AKR1D1: variants seen among roughly 807,000 people sequenced by gnomAD.
AKR1D1 encodes aldo-keto reductase family 1 member D1.
In AKR1D1, 32 loss-of-function variants were observed where a neutral mutation model predicts 42.6. The observed-to-expected ratio is 0.75, with a 90% CI of 0.57 to 1.01. AKR1D1 has a LOEUF of 1.01. AKR1D1 is among the 50% of genes least tolerant of loss of function. AKR1D1 has a pLI of 0.00. For synonymous variants in AKR1D1, 123 were observed against 135.5 expected, an observed-to-expected ratio of 0.91 and a Z score of 0.64; for missense variants, 364 against 402.2, an observed-to-expected ratio of 0.91 and a Z score of 0.81.
chr7:138,083,674 A>G (rs1030433867), intron 1 of AKR1D1, among the ~76,000 whole-genome samples: 10 of 152,102 alleles, frequency 6.6e-5, no homozygotes, highest in African/African-American at 2.4e-4. Flanking sequence ...TCCCAATGTC[A>G]TGATGCTTTT....
chr7:138,101,679 T>G (rs1332726989), intron 4 of AKR1D1, among the ~76,000 whole-genome samples: 1 of 152,198 alleles, frequency 6.6e-6, no homozygotes, highest in Non-Finnish European at 1.5e-5. Flanking sequence ...TGGAAATTAT[T>G]TTTAAAAACA....
chr7:138,088,305 G>T (rs369031141), intron 1 of AKR1D1, among the ~76,000 whole-genome samples: 7 of 152,142 alleles, frequency 4.6e-5, no homozygotes, highest in African/African-American at 1.2e-4. Flanking sequence ...GTGCCCTCCT[G>T]TAAAAAGGCT....
chr7:138,115,493 C>A (rs1478546597), intron 8 of AKR1D1, among the ~76,000 whole-genome samples: 1 of 152,080 alleles, frequency 6.6e-6, no homozygotes, highest in African/African-American at 2.4e-5. Flanking sequence ...AATTGTTTTA[C>A]AGACAGTTGG....
chr7:138,094,644 T>C (rs1268295382), intron 3 of AKR1D1, among the ~76,000 whole-genome samples: 1 of 152,184 alleles, frequency 6.6e-6, no homozygotes, highest in African/African-American at 2.4e-5. Flanking sequence ...GCCTCCCAAG[T>C]AGCTGAGACT....
chr7:138,079,397 T>G (rs553135815), intron 1 of AKR1D1, among the ~76,000 whole-genome samples: 1 of 152,260 alleles, frequency 6.6e-6, no homozygotes, highest in Admixed American at 6.5e-5. Flanking sequence ...ATACTAGACA[T>G]GAGGGCAAGC....
rs369941143 is a variant in AKR1D1, at chr7:138,113,852, C to A, written c.938+80C>A. 5.6e-6 allele frequency: 7 copies of A among 1,258,302 alleles called. No homozygotes were observed. The East Asian group carries it at 7.0e-5, about 13-fold the overall frequency. The allele number at this position is 1,258,302 out of a possible 1,614,324, so 77.9% of individuals were successfully genotyped here. On this transcript the variant is annotated intron_variant, in intron 8 of 8. Coordinates refer to ENST00000242375, the MANE Select transcript of AKR1D1 (RefSeq NM_005989.4). ...GTCAAGCAACAAGGCTCATAAGAACCCTGACCTATGTCCATAGCACCAGGG... is the reference window on the plus strand; with the variant it reads ...GTCAAGCAACAAGGCTCATAAGAACACTGACCTATGTCCATAGCACCAGGG...
intron 1 of AKR1D1, among the ~76,000 whole-genome samples, chr7:138,081,450 A>T (rs1296375706): frequency 7.3e-6 from 1 of 137,024 alleles, no homozygotes; most frequent in Non-Finnish European, 1.5e-5. Flanking sequence ...TTCTTCCTTT[A>T]TCCAGCCAGG....
chr7:138,108,038 A>G (rs1330557312), intron 7 of AKR1D1, among the ~76,000 whole-genome samples: 3 of 152,156 alleles, frequency 2.0e-5, no homozygotes, highest in African/African-American at 2.4e-5. Flanking sequence ...TACCAGCACA[A>G]CAGAAATTGA....
chr7:138,109,509 G>T (rs1270893458), intron 7 of AKR1D1, among the ~76,000 whole-genome samples: 1 of 152,110 alleles, frequency 6.6e-6, no homozygotes, highest in Non-Finnish European at 1.5e-5. Flanking sequence ...GCTCCTGAAG[G>T]TCACCCTCAT....
intron 4 of AKR1D1, 31 bp from the exon 5 acceptor site, chr7:138,105,276 G>A: frequency 5.0e-6 from 8 of 1,614,012 alleles, no homozygotes; most frequent in Non-Finnish European, 6.8e-6. Flanking sequence ...TGTGAGGCTT[G>A]TTTGTTGACC....
intron 3 of AKR1D1, among the ~76,000 whole-genome samples, chr7:138,092,727 T>C (rs1346592064): frequency 6.6e-6 from 1 of 152,208 alleles, no homozygotes; most frequent in Non-Finnish European, 1.5e-5. Flanking sequence ...TGGTAAATAT[T>C]TGTGTATATA....
intron 4 of AKR1D1, 62 bp downstream of exon 4, chr7:138,098,005 T>C (rs1794218262): frequency 2.4e-6 from 3 of 1,261,320 alleles, no homozygotes; most frequent in African/African-American, 2.9e-5. Context: ...ATCTGATTAT[T>C]CCTGTCATAT....
At chr7:138,097,736 G>A in intron 3 of AKR1D1, 130 bp from the exon 4 acceptor site, 1 of 813,166 alleles carries the variant, frequency 1.2e-6, no homozygotes, top group East Asian at 2.7e-5. Context: ...AAATACTTTA[G>A]ACTGGGTGAT....
intron 1 of AKR1D1, among the ~76,000 whole-genome samples, chr7:138,086,097 G>A (rs912669100): frequency 2.0e-5 from 3 of 152,082 alleles, no homozygotes; most frequent in Non-Finnish European, 4.4e-5. Context: ...CACTTACTCG[G>A]GAGGCTGAGG....
rs764907529 is a variant in AKR1D1 at position 138,105,432 on chromosome 7, A to G, written c.579+3A>G. 5 of 1,613,890 alleles carry G rather than the reference A, an allele frequency of 3.1e-6. No individual in the cohort carries two copies. The highest frequency in any genetic ancestry group is 4.2e-6 in the Non-Finnish European group (5 of 1,179,992). Reference sequence around the variant, plus strand: ...AACACAAGCCAGTCAGCAACCAGGTACAGCCTAATAGCTTCCACTAGGGTG... The same window carrying G: ...AACACAAGCCAGTCAGCAACCAGGTGCAGCCTAATAGCTTCCACTAGGGTG... On this transcript the variant is annotated splice_donor_region_variant and intron_variant, in intron 5 of 8. Coordinates refer to ENST00000242375, the MANE Select transcript of AKR1D1 (RefSeq NM_005989.4).
intron 4 of AKR1D1, among the ~76,000 whole-genome samples, chr7:138,103,529 G>A (rs185048810): frequency 6.6e-6 from 1 of 151,940 alleles, no homozygotes; most frequent in Non-Finnish European, 1.5e-5. Flanking sequence ...TATATGTATG[G>A]TTGCAATAAA....
Position 138,094,253 on chromosome 7 carries a change from A to G in AKR1D1, c.378+2369A>G, listed in dbSNP as rs1454843667. Among the ~76,000 whole-genome samples, 6 of 152,220 alleles carry G rather than the reference A, an allele frequency of 3.9e-5. No individual in the cohort carries two copies. The East Asian group carries it at 1.2e-3, about 29-fold the overall frequency. ...GGGTCAGCCGGGGACAGTGGCTCAC[A>G]TCTGTAGTCCCAGTACTTTGGGAGG... On this transcript the variant is annotated intron_variant, in intron 3 of 8. Coordinates refer to ENST00000242375, the MANE Select transcript of AKR1D1 (RefSeq NM_005989.4).
chr7:138,088,834 C>T (rs1196213747), intron 2 of AKR1D1, 66 bp downstream of exon 2: 19 of 1,462,768 alleles, frequency 1.3e-5, no homozygotes, highest in Non-Finnish European at 1.7e-5. Context: ...TTTTATTATT[C>T]ATCTTCCGTG....
intron 7 of AKR1D1, among the ~76,000 whole-genome samples, chr7:138,108,332 A>G (rs1425448881): frequency 6.6e-6 from 1 of 152,228 alleles, no homozygotes; most frequent in Admixed American, 6.5e-5. Context: ...TTAATTACCC[A>G]TTAGCTAATT....
Sources: allele counts gnomAD v4.1 joint callset (sites outside exome capture counted in the v4.1 genomes callset), GRCh38; gene constraint gnomAD v4.1.1; transcripts MANE v1.5; gene names NCBI Gene and HGNC (gene_info 2026-07-23, HGNC 2026-07-21).